ZBTB20: variants seen among roughly 807,000 people sequenced by gnomAD.
The protein encoded by ZBTB20 is zinc finger and BTB domain-containing protein 20.
Under a neutral mutation model 56.9 loss-of-function variants are expected in ZBTB20, and 9 were observed. The ratio of observed to expected loss-of-function variants is 0.16; its 90% CI spans 0.10 to 0.28. The LOEUF is 0.28. Ranked by LOEUF, ZBTB20 falls within the 10% of genes least tolerant of loss-of-function variation. ZBTB20 has a pLI of 1.00. For synonymous variants in ZBTB20, 417 were observed against 420.7 expected (o/e 0.99, Z 0.11); for missense variants, 655 against 1,003.0 (o/e 0.65, Z 4.69).
At chr3:114,932,231 A>G (rs1462644264) in intron 3 of ZBTB20, among the ~76,000 whole-genome samples, 1 of 152,222 alleles carries the variant, frequency 6.6e-6, no homozygotes, top group Non-Finnish European at 1.5e-5. Context: ...TAACCTGTAC[A>G]GCAAGCTGAA....
At chr3:114,343,321 C>A (rs1268945789) in intron 11 of ZBTB20, among the ~76,000 whole-genome samples, 1 of 152,066 alleles carries the variant, frequency 6.6e-6, no homozygotes, top group Non-Finnish European at 1.5e-5. Context: ...TGATTTTTTT[C>A]CCCTCATTTT....
At chr3:114,486,708 G>T (rs1459667125) in intron 7 of ZBTB20, among the ~76,000 whole-genome samples, 1 of 152,128 alleles carries the variant, frequency 6.6e-6, no homozygotes, top group African/African-American at 2.4e-5. Context: ...GAGACACACG[G>T]TTCTCTCATT....
At chr3:114,436,762 GC>G (rs1410858910) in intron 7 of ZBTB20, among the ~76,000 whole-genome samples, 2 of 152,090 alleles carry the variant, frequency 1.3e-5, no homozygotes, top group Admixed American at 1.3e-4. Flanking sequence ...TGTGATTACA[GC>G]AAAGACAGAA....
At chr3:114,919,347 A>G (rs1392199428) in intron 3 of ZBTB20, among the ~76,000 whole-genome samples, 1 of 152,160 alleles carries the variant, frequency 6.6e-6, no homozygotes, top group Non-Finnish European at 1.5e-5. Flanking sequence ...AAATAGAGAC[A>G]TGAATCAAAG....
intron 6 of ZBTB20, among the ~76,000 whole-genome samples, chr3:114,674,464 T>C (rs1051164424): frequency 3.3e-5 from 5 of 152,090 alleles, no homozygotes; most frequent in Non-Finnish European, 5.9e-5. Flanking sequence ...ATTTTGAAAA[T>C]CAAAGAAAAG....
intron 1 of ZBTB20, among the ~76,000 whole-genome samples, chr3:115,074,368 GCTC>G (rs887416698): frequency 3.3e-4 from 50 of 152,134 alleles, no homozygotes; most frequent in African/African-American, 1.2e-3. Context: ...ACAAAGATGA[GCTC>G]AACACAGTAC....
chr3:114,536,560 T>C (rs556808683), intron 6 of ZBTB20, among the ~76,000 whole-genome samples: 28 of 152,326 alleles, frequency 1.8e-4, no homozygotes, highest in African/African-American at 6.0e-4. Context: ...ATGGCCATAC[T>C]GCCCAAAGTA....
intron 4 of ZBTB20, among the ~76,000 whole-genome samples, chr3:114,832,521 G>C (rs1356383510): frequency 3.3e-5 from 5 of 151,618 alleles, no homozygotes; most frequent in Non-Finnish European, 7.4e-5. Flanking sequence ...GGGAACAAGG[G>C]GACAGCCACT....
intron 6 of ZBTB20, among the ~76,000 whole-genome samples, chr3:114,678,215 A>G (rs2061745715): frequency 1.3e-5 from 2 of 152,246 alleles, no homozygotes; most frequent in Non-Finnish European, 2.9e-5. Flanking sequence ...TCAACAAACA[A>G]GAAAATAAAA....
intron 4 of ZBTB20, among the ~76,000 whole-genome samples, chr3:114,878,525 G>A (rs1362595951): frequency 6.7e-6 from 1 of 149,300 alleles, no homozygotes; most frequent in African/African-American, 2.5e-5. Context: ...TCTCCACTCA[G>A]CAATGCTATC....
chr3:114,722,183 T>C (rs1043493539), intron 5 of ZBTB20, among the ~76,000 whole-genome samples: 2 of 152,202 alleles, frequency 1.3e-5, no homozygotes, highest in Non-Finnish European at 2.9e-5. Flanking sequence ...AAATATTGGT[T>C]CATATCCTGG....
chr3:114,644,076 C>A (rs368175106), intron 6 of ZBTB20, among the ~76,000 whole-genome samples: 1 of 151,720 alleles, frequency 6.6e-6, no homozygotes, highest in Non-Finnish European at 1.5e-5. Flanking sequence ...TAAGTCTATA[C>A]CTTTGGGAAA....
chr3:114,650,873 T>C (rs1409890861), intron 6 of ZBTB20, among the ~76,000 whole-genome samples: 1 of 152,012 alleles, frequency 6.6e-6, no homozygotes, highest in East Asian at 1.9e-4. Flanking sequence ...ATGTAAAGTG[T>C]AGTCAGGCCT....
At chr3:114,341,063 C>T (rs1385817494) in intron 11 of ZBTB20, among the ~76,000 whole-genome samples, 1 of 152,146 alleles carries the variant, frequency 6.6e-6, no homozygotes, top group Non-Finnish European at 1.5e-5. Context: ...TTTCTCTCAT[C>T]AGGAATTTGT....
In ZBTB20 at chr3:114,723,214, C is replaced by T. The variant is rs539440483; in HGVS notation, c.-342-29639G>A. On this transcript the variant is annotated intron_variant, in intron 5 of 11. Transcript: ENST00000675478. ...TTCAAATATGCTGCCATTTCCACTACCTTGTTTTCTATTACAAAAATGTCT... is the reference window on the plus strand; with the variant it reads ...TTCAAATATGCTGCCATTTCCACTATCTTGTTTTCTATTACAAAAATGTCT... Among the ~76,000 whole-genome samples, 4 of 152,092 alleles carry T rather than the reference C, an allele frequency of 2.6e-5. No individual in the cohort carries two copies. In the South Asian group the frequency reaches 8.3e-4, roughly 32 times the overall value.
intron 5 of ZBTB20, among the ~76,000 whole-genome samples, chr3:114,760,406 T>C (rs2068350807): frequency 1.3e-5 from 2 of 152,140 alleles, no homozygotes; most frequent in South Asian, 4.1e-4. Context: ...ACATGTAGGA[T>C]GGGCCTCCTA....
intron 6 of ZBTB20, among the ~76,000 whole-genome samples, chr3:114,568,883 C>A (rs2110350309): frequency 6.6e-6 from 1 of 152,200 alleles, no homozygotes; most frequent in Non-Finnish European, 1.5e-5. Context: ...TTCACATATT[C>A]TTATCTCTCT....
At chr3:115,078,368 G>C (rs1047566869) in intron 1 of ZBTB20, among the ~76,000 whole-genome samples, 2 of 152,016 alleles carry the variant, frequency 1.3e-5, no homozygotes, top group African/African-American at 4.8e-5. Context: ...TATAAAGTGT[G>C]CCTAAAATTC....
chr3:114,863,723 A>G (rs1209450949), intron 4 of ZBTB20, among the ~76,000 whole-genome samples: 2 of 152,118 alleles, frequency 1.3e-5, no homozygotes, highest in Non-Finnish European at 2.9e-5. Flanking sequence ...AGGTTCTGTT[A>G]CTTGAAGGCA....
Sources: gnomAD v4.1 joint callset for allele counts (sites outside exome capture counted in the v4.1 genomes callset) on GRCh38, gnomAD v4.1.1 for gene constraint, MANE v1.5 for transcripts, NCBI Gene and HGNC (gene_info 2026-07-23, HGNC 2026-07-21) for gene names.